SP4: variants seen among roughly 807,000 people sequenced by gnomAD.
SP4 encodes the protein transcription factor Sp4.
SP4 carries 19 observed loss-of-function variants against 72.8 expected under a neutral mutation model. The observed-to-expected ratio is 0.26, with a 90% CI of 0.18 to 0.38. The LOEUF (loss-of-function observed/expected upper bound fraction) is 0.38. Ranked by LOEUF, SP4 falls within the 10% of genes least tolerant of loss-of-function variation. The pLI, the probability that SP4 is intolerant of heterozygous loss-of-function variation, is 1.00. For synonymous variants in SP4, 395 were observed against 333.1 expected, an observed-to-expected ratio of 1.19 and a Z score of -2.02; for missense variants, 1,008 against 926.3, an observed-to-expected ratio of 1.09 and a Z score of -1.14.
At chr7:21,486,372 A>G (rs1269452179) in intron 5 of SP4, among the ~76,000 whole-genome samples, 1 of 152,156 alleles carries the variant, frequency 6.6e-6, no homozygotes, top group Non-Finnish European at 1.5e-5. Context: ...TTGCAATACT[A>G]TTAATTACAC....
At position 21,484,536 on chromosome 7, in the gene SP4, A is replaced by T. The variant is rs558178763; in HGVS notation, c.2107+2413A>T. Among the ~76,000 whole-genome samples the T allele has an allele frequency of 5.3e-5, 8 of 152,052 alleles. No individual in the cohort carries two copies. The South Asian group carries it at 1.4e-3, about 28-fold the overall frequency. Reference sequence around the variant, plus strand: ...TAGTAAAGCTCTGAATTTTAATTTTAAAAAAGATAATTTGAAATCTTTCTG... The same window carrying T: ...TAGTAAAGCTCTGAATTTTAATTTTTAAAAAGATAATTTGAAATCTTTCTG... On this transcript the variant is annotated intron_variant, in intron 5 of 5. Coordinates refer to ENST00000222584, the MANE Select transcript of SP4 (RefSeq NM_003112.5).
chr7:21,428,609 A>G, intron 1 of SP4, 68 bp from the exon 2 acceptor site: 2 of 1,419,200 alleles, frequency 1.4e-6, no homozygotes, highest in East Asian at 5.0e-5. Context: ...AGAGGAGAGG[A>G]AGAAGACGAA....
intron 3 of SP4, among the ~76,000 whole-genome samples, chr7:21,452,043 A>G (rs1265697926): frequency 6.6e-6 from 1 of 152,202 alleles, no homozygotes; most frequent in East Asian, 1.9e-4. Flanking sequence ...GTAGCCAGAG[A>G]TCACTGGTTG....
At chr7:21,495,858 A>G (rs887585051) in intron 5 of SP4, among the ~76,000 whole-genome samples, 1 of 152,182 alleles carries the variant, frequency 6.6e-6, no homozygotes, top group Non-Finnish European at 1.5e-5. Context: ...AGTAACCCAA[A>G]TGTCCTTCAG....
chr7:21,435,970 T>C (rs916295778), intron 3 of SP4, among the ~76,000 whole-genome samples: 1 of 152,098 alleles, frequency 6.6e-6, no homozygotes. Context: ...TGGCACGATA[T>C]CTGTTCCAAC....
In SP4 at chr7:21,481,966, T is replaced by C. The variant is rs151243396; in HGVS notation, c.1950T>C (p.His650=). The C allele has an allele frequency of 5.6e-4, 900 of 1,614,100 alleles. 18 individuals are homozygous for C. The East Asian group carries it at 0.02, about 36-fold the overall frequency. The change falls in exon 5 of 6, where the codon CAT becomes CAC. Residue 650 remains histidine (H), a synonymous_variant. Coordinates refer to ENST00000222584, the MANE Select transcript of SP4 (RefSeq NM_003112.5). ...GAAAAAAGAAGCAGCATATCTGTCATATTGAAGGATGTGGTAAAGTTTATG... is the reference window on the plus strand; with the variant it reads ...GAAAAAAGAAGCAGCATATCTGTCACATTGAAGGATGTGGTAAAGTTTATG... ...EPGKKKQHIC[H]IEGCGKVYGK...
chr7:21,486,724 C>T (rs1220842080), intron 5 of SP4, among the ~76,000 whole-genome samples: 2 of 152,134 alleles, frequency 1.3e-5, no homozygotes, highest in African/African-American at 4.8e-5. Flanking sequence ...GGGTGTGCCA[C>T]ATTTCTTCAC....
At chr7:21,428,902 C>T (rs1782727311) in intron 2 of SP4, 110 bp downstream of exon 2, 1 of 864,466 alleles carries the variant, frequency 1.2e-6, no homozygotes, top group South Asian at 1.8e-5. Flanking sequence ...CCACTCAAAG[C>T]ATCTTTCTGA....
intron 5 of SP4, among the ~76,000 whole-genome samples, chr7:21,486,595 T>C (rs1348499315): frequency 6.6e-6 from 1 of 152,176 alleles, no homozygotes; most frequent in Non-Finnish European, 1.5e-5. Context: ...TAGAGTAAGA[T>C]TGTGAATTGT....
intron 3 of SP4, among the ~76,000 whole-genome samples, chr7:21,466,789 ATTT>A (rs10540157): frequency 4.1e-5 from 6 of 145,952 alleles, no homozygotes; most frequent in African/African-American, 1.5e-4. Context: ...CAAATCTAGG[ATTT>A]TTTTTTTTTT....
chr7:21,455,634 AG>A (rs1783739986), intron 3 of SP4, among the ~76,000 whole-genome samples: 1 of 152,170 alleles, frequency 6.6e-6, no homozygotes, highest in African/African-American at 2.4e-5. Context: ...CAATATGAAC[AG>A]GGCCCCCCAG....
Position 21,429,986 on chromosome 7 carries a change from T to G in SP4, c.821T>G (p.Val274Gly). The change falls in exon 3 of 6, where the codon GTG becomes GGG. Residue 274 changes from valine to glycine, a missense_variant. Val to Gly is a moderately radical substitution (Grantham distance 109). This residue lies in a region of SP4 where 893 missense variants were observed against 743.3 expected (regional missense o/e 1.20). Coordinates refer to ENST00000222584, the MANE Select transcript of SP4 (RefSeq NM_003112.5). Reference sequence around the variant, plus strand: ...CTAGCTTTGCCAGTGATAAACAACGTGGCTGCCGGAGGAGGGACTGGGCAG... The same window carrying G: ...CTAGCTTTGCCAGTGATAAACAACGGGGCTGCCGGAGGAGGGACTGGGCAG... ...VTLALPVINN[V>G]AAGGGTGQVG... 6.2e-7 allele frequency: 1 copy of G among 1,614,184 alleles called. No homozygotes were observed. Among genetic ancestry groups the G allele is most frequent in the Non-Finnish European group, 8.5e-7 (1 of 1,180,032 alleles).
intron 5 of SP4, among the ~76,000 whole-genome samples, chr7:21,489,553 C>CTTTTT (rs1193080485): frequency 1.5e-4 from 12 of 82,520 alleles, no homozygotes; most frequent in Middle Eastern, 7.7e-3. Context: ...TTTCTTTTTT[C>CTTTTT]TTTTTTTTTT....
intron 3 of SP4, among the ~76,000 whole-genome samples, chr7:21,442,287 G>A (rs563568914): frequency 8.0e-4 from 121 of 152,000 alleles, no homozygotes; most frequent in African/African-American, 2.8e-3. Context: ...TGATCCACCC[G>A]CCTCAGCCTT....
Position 21,511,546 on chromosome 7 carries a change from A to G in SP4, c.*277A>G. The G allele has an allele frequency of 3.1e-6, 1 of 317,478 alleles. No individual in the cohort carries two copies. The highest frequency in any genetic ancestry group is 5.8e-6 in the Non-Finnish European group (1 of 171,154). The allele number at this position is 317,478 out of a possible 1,614,324, so 19.7% of individuals were successfully genotyped here. ...CATAACCTTTATACAGAATCTTCCC[A>G]TCTCTTAATATCATGTGTTAACATG... On this transcript the variant is annotated 3_prime_UTR_variant, in exon 6 of 6. Transcript: ENST00000222584.
chr7:21,455,843 C>T (rs1417555929), intron 3 of SP4, among the ~76,000 whole-genome samples: 1 of 152,148 alleles, frequency 6.6e-6, no homozygotes, highest in African/African-American at 2.4e-5. Flanking sequence ...AGCATTTTAG[C>T]AACAAAATGA....
intron 3 of SP4, among the ~76,000 whole-genome samples, chr7:21,454,185 T>G (rs180993174): frequency 5.9e-5 from 9 of 152,180 alleles, no homozygotes; most frequent in African/African-American, 1.7e-4. Flanking sequence ...TCTGACTCTT[T>G]CCAGCATAGC....
chr7:21,439,563 A>C (rs955213626), intron 3 of SP4, among the ~76,000 whole-genome samples: 2 of 144,106 alleles, frequency 1.4e-5, no homozygotes, highest in Admixed American at 7.0e-5. Flanking sequence ...CCCTTTCTTC[A>C]TGGCTCAGAA....
chr7:21,459,268 T>A, intron 3 of SP4, among the ~76,000 whole-genome samples: 1 of 152,152 alleles, frequency 6.6e-6, no homozygotes, highest in Admixed American at 6.5e-5. Flanking sequence ...TACAGGCATG[T>A]ACTACCACGC....
Sources: gnomAD v4.1 joint callset for allele counts (sites outside exome capture counted in the v4.1 genomes callset) on GRCh38, gnomAD v4.1.1 for gene constraint, gnomAD v4.1.1 regional missense constraint, MANE v1.5 for transcripts, NCBI Gene and HGNC (gene_info 2026-07-23, HGNC 2026-07-21) for gene names.